The following PRH1 variants were observed in gnomAD, a reference collection of about 807,000 sequenced individuals.
PRH1 encodes salivary acidic proline-rich phosphoprotein 1/2.
Under a neutral mutation model 7.9 loss-of-function variants are expected in PRH1, and 7 were observed. The observed-to-expected ratio is 0.89, with a 90% CI of 0.50 to 1.67. The LOEUF is 1.67. Ranked by LOEUF, PRH1 falls within the 40% of genes most tolerant of loss-of-function variation. PRH1 has a pLI of 0.00. For missense variants in PRH1, 109 were observed against 223.6 expected, an observed-to-expected ratio of 0.49 and a Z score of 3.27; for synonymous variants, 45 against 80.8, an observed-to-expected ratio of 0.56 and a Z score of 2.38.
intron 2 of PRH1, among the ~76,000 whole-genome samples, chr12:10,913,439 A>T (rs1949928974): frequency 6.8e-6 from 1 of 147,266 alleles, no homozygotes; most frequent in Non-Finnish European, 1.5e-5. Flanking sequence ...TGGGTGACAA[A>T]GCGAGACTCC....
At chr12:11,003,976 T>C (rs1940710758) in intron 1 of PRH1, among the ~76,000 whole-genome samples, 1 of 152,148 alleles carries the variant, frequency 6.6e-6, no homozygotes, top group Non-Finnish European at 1.5e-5. Flanking sequence ...CTTCTCAACT[T>C]TAGCTATTAA....
chr12:11,125,648 T>G (rs1946092904), intron 1 of PRH1, among the ~76,000 whole-genome samples: 1 of 152,292 alleles, frequency 6.6e-6, no homozygotes. Context: ...AAAATATGTG[T>G]ATTATTATTT....
intron 1 of PRH1, among the ~76,000 whole-genome samples, chr12:11,058,155 G>A (rs1943442362): frequency 6.6e-6 from 1 of 152,152 alleles, no homozygotes; most frequent in South Asian, 2.1e-4. Context: ...AGAATCAACT[G>A]AGCCCAGAAG....
intron 2 of PRH1, among the ~76,000 whole-genome samples, chr12:10,951,408 C>G (rs769223277): frequency 3.3e-5 from 5 of 152,152 alleles, no homozygotes; most frequent in Non-Finnish European, 5.9e-5. Context: ...ATACCAGATA[C>G]ATGTAAACAG....
At chr12:11,013,396 C>T (rs952808950) in intron 1 of PRH1, among the ~76,000 whole-genome samples, 1 of 152,080 alleles carries the variant, frequency 6.6e-6, no homozygotes, top group African/African-American at 2.4e-5. Flanking sequence ...TGAATATCCA[C>T]ATGCATAAAG....
At chr12:11,065,676 A>T (rs1943777605) in intron 1 of PRH1, among the ~76,000 whole-genome samples, 1 of 152,100 alleles carries the variant, frequency 6.6e-6, no homozygotes, top group Non-Finnish European at 1.5e-5. Context: ...TTAATGGAGA[A>T]ACTAAACAAA....
intron 1 of PRH1, among the ~76,000 whole-genome samples, chr12:11,086,577 C>T (rs1415555975): frequency 1.5e-4 from 22 of 151,268 alleles, no homozygotes; most frequent in African/African-American, 5.1e-4. Context: ...ATGTGAGACT[C>T]CATTTTACAA....
chr12:11,070,111 A>G (rs1943998644), intron 1 of PRH1, among the ~76,000 whole-genome samples: 1 of 152,126 alleles, frequency 6.6e-6, no homozygotes, highest in Admixed American at 6.6e-5. Context: ...ATGCCCTGGC[A>G]GTTGACACCC....
intron 1 of PRH1, among the ~76,000 whole-genome samples, chr12:11,002,388 T>C (rs2136021742): frequency 6.6e-6 from 1 of 152,248 alleles, no homozygotes; most frequent in East Asian, 1.9e-4. Context: ...TCAGACAGTA[T>C]TTCATTAAGA....
chr12:11,023,601 A>C (rs1270473282), intron 1 of PRH1, among the ~76,000 whole-genome samples: 1 of 152,210 alleles, frequency 6.6e-6, no homozygotes, highest in Non-Finnish European at 1.5e-5. Context: ...AGTCAACAGG[A>C]AATTAGTAGA....
chr12:11,106,306 T>C (rs1945413576), intron 1 of PRH1, among the ~76,000 whole-genome samples: 1 of 152,200 alleles, frequency 6.6e-6, no homozygotes, highest in Non-Finnish European at 1.5e-5. Flanking sequence ...ACTCACTCAC[T>C]CATGGATAGA....
At chr12:11,171,496 T>G (rs1031694333), upstream of PRH1, 10 of 1,232,248 alleles carry the variant, frequency 8.1e-6, no homozygotes, top group African/African-American at 1.4e-4. Context: ...CAGCTGCGCA[T>G]GAACTTCCCG....
At chr12:10,997,923 G>T in intron 1 of PRH1, 1 of 1,224,482 alleles carries the variant, frequency 8.2e-7, no homozygotes, top group Non-Finnish European at 1.1e-6. Context: ...TGTCACTGAT[G>T]GTGACTCCTC....
At chr12:11,134,385 A>T in intron 1 of PRH1, 1 of 1,081,654 alleles carries the variant, frequency 9.2e-7, no homozygotes, top group South Asian at 1.8e-5. Context: ...AATTGCTGTG[A>T]CCAGTGTCAA....
intron 1 of PRH1, among the ~76,000 whole-genome samples, chr12:11,093,131 G>A (rs1182016862): frequency 1.7e-5 from 2 of 116,178 alleles, no homozygotes; most frequent in African/African-American, 2.9e-5. Flanking sequence ...GACTTCAGTT[G>A]TTAGGGAAGT....
intron 2 of PRH1, among the ~76,000 whole-genome samples, chr12:10,969,518 A>G (rs1189531565): frequency 1.3e-5 from 2 of 152,092 alleles, no homozygotes; most frequent in Non-Finnish European, 2.9e-5. Context: ...TATTTCATCA[A>G]TGACAACTTT....
At chr12:10,999,774 C>T (rs1940494405) in intron 1 of PRH1, among the ~76,000 whole-genome samples, 1 of 152,064 alleles carries the variant, frequency 6.6e-6, no homozygotes, top group Non-Finnish European at 1.5e-5. Context: ...CCCTAAACTC[C>T]ACAGCTTGGT....
At chr12:11,096,280 G>C (rs1945066574) in intron 1 of PRH1, among the ~76,000 whole-genome samples, 1 of 114,506 alleles carries the variant, frequency 8.7e-6, no homozygotes, top group African/African-American at 2.9e-5. Context: ...CTTCATTCTG[G>C]GTAGTTATCT....
Position 11,043,932 on chromosome 12 carries a change from A to T in PRH1, c.-126+3088T>A, listed in dbSNP as rs571285064. On this transcript the variant is annotated intron_variant, in intron 1 of 3. Coordinates refer to the PRH1 transcript ENST00000539853. ...CTAAAAACATTCTTCACAGACATAG[A>T]GAAAACAATCCTAAAATTTATATGG... Among the ~76,000 whole-genome samples the T allele has an allele frequency of 2.0e-5, 3 of 152,284 alleles. No individual in the cohort carries two copies. In the South Asian group the frequency reaches 6.2e-4, roughly 32 times the overall value.
Sources: gnomAD v4.1 joint callset for allele counts (sites outside exome capture counted in the v4.1 genomes callset) on GRCh38, gnomAD v4.1.1 for gene constraint, MANE v1.5 for transcripts, NCBI Gene and HGNC (gene_info 2026-07-23, HGNC 2026-07-21) for gene names.